The following SNX24 variants were observed in gnomAD, a reference collection of about 807,000 sequenced individuals.
SNX24 encodes the protein sorting nexin 24, also known as sorting nexin-24.
In SNX24, 22 loss-of-function variants were observed where a neutral mutation model predicts 28.7. The observed-to-expected ratio is 0.77, with a 90% CI of 0.55 to 1.10. The LOEUF is 1.10. Among genes scored for constraint, SNX24 ranks in the 50% least tolerant of loss-of-function variants. SNX24 has a pLI of 0.00. For synonymous variants in SNX24, 69 were observed against 71.5 expected (o/e 0.96, Z 0.18); for missense variants, 221 against 201.1 (o/e 1.10, Z -0.60).
At chr5:122,849,752 A>T (rs1410040155) in intron 1 of SNX24, among the ~76,000 whole-genome samples, 1 of 151,936 alleles carries the variant, frequency 6.6e-6, no homozygotes, top group South Asian at 2.1e-4. Context: ...TCTGCTATAA[A>T]CTCCCCAAGT....
intron 3 of SNX24, among the ~76,000 whole-genome samples, chr5:122,987,521 C>T (rs1172458164): frequency 1.3e-5 from 2 of 152,124 alleles, no homozygotes; most frequent in African/African-American, 2.4e-5. Context: ...TGATTTTTCT[C>T]AGTGTTTAGC....
In SNX24 at chr5:122,879,229, A is replaced by G. The variant is rs181533157; in HGVS notation, c.60+33536A>G. On this transcript the variant is annotated intron_variant, in intron 1 of 6. Coordinates refer to ENST00000261369, the MANE Select transcript of SNX24 (RefSeq NM_014035.4). ...TCTCCATTTGGACCAGCCATGTTTCAAATGCTTGACAGCAGCATGTGGCGA... is the reference window on the plus strand; with the variant it reads ...TCTCCATTTGGACCAGCCATGTTTCGAATGCTTGACAGCAGCATGTGGCGA... Among the ~76,000 whole-genome samples the G allele has an allele frequency of 2.4e-3, 367 of 152,340 alleles. 2 individuals are homozygous for G. Among genetic ancestry groups the G allele is most frequent in the African/African-American group, 8.5e-3 (355 of 41,574 alleles).
intron 1 of SNX24, among the ~76,000 whole-genome samples, chr5:122,867,936 C>T (rs1755792782): frequency 6.6e-6 from 1 of 152,204 alleles, no homozygotes; most frequent in South Asian, 2.1e-4. Context: ...CTGGCCATTT[C>T]TCCTTCCAAG....
chr5:122,994,689 C>A (rs1021728357), intron 3 of SNX24, among the ~76,000 whole-genome samples: 1 of 152,118 alleles, frequency 6.6e-6, no homozygotes, highest in African/African-American at 2.4e-5. Context: ...GGTGGTAATG[C>A]TGTTGTTTTT....
intron 3 of SNX24, among the ~76,000 whole-genome samples, chr5:122,969,273 T>G (rs2150145616): frequency 6.6e-6 from 1 of 152,308 alleles, no homozygotes; most frequent in Non-Finnish European, 1.5e-5. Context: ...TGGTGGGTTA[T>G]TTTCAGGCTA....
intron 1 of SNX24, among the ~76,000 whole-genome samples, chr5:122,911,290 T>A (rs1342810337): frequency 6.6e-6 from 1 of 152,246 alleles, no homozygotes; most frequent in Non-Finnish European, 1.5e-5. Context: ...TCTGTTCATA[T>A]CCTTTGCCCA....
At chr5:122,895,887 G>T (rs1185582677) in intron 1 of SNX24, among the ~76,000 whole-genome samples, 1 of 152,010 alleles carries the variant, frequency 6.6e-6, no homozygotes, top group African/African-American at 2.4e-5. Flanking sequence ...AGTGGCTCAT[G>T]CCTGTAATCC....
intron 5 of SNX24, 144 bp from the exon 6 acceptor site, chr5:123,001,796 G>A: frequency 1.4e-6 from 1 of 693,162 alleles, no homozygotes. Context: ...CTCTTACTCT[G>A]CGTGCTATTA....
chr5:122,861,497 G>A (rs985090680), intron 1 of SNX24, among the ~76,000 whole-genome samples: 1 of 152,140 alleles, frequency 6.6e-6, no homozygotes, highest in Admixed American at 6.5e-5. Context: ...TCATGAGTAC[G>A]GGACCATTGC....
intron 1 of SNX24, among the ~76,000 whole-genome samples, chr5:122,884,718 A>G (rs1756633530): frequency 6.6e-6 from 1 of 152,130 alleles, no homozygotes; most frequent in Admixed American, 6.5e-5. Flanking sequence ...CTGACAGACG[A>G]GCAGATGTGT....
chr5:122,957,389 G>A (rs1427560277), intron 3 of SNX24, among the ~76,000 whole-genome samples: 3 of 152,138 alleles, frequency 2.0e-5, no homozygotes, highest in African/African-American at 7.2e-5. Context: ...TCTATCATAT[G>A]CCAGTACCAC....
chr5:122,965,822 T>A (rs1188749423), intron 3 of SNX24, among the ~76,000 whole-genome samples: 1 of 152,234 alleles, frequency 6.6e-6, no homozygotes, highest in African/African-American at 2.4e-5. Context: ...TGCTGTGATG[T>A]TTCCAATTAA....
At chr5:122,943,472 C>G (rs1234953182) in intron 2 of SNX24, among the ~76,000 whole-genome samples, 5 of 152,202 alleles carry the variant, frequency 3.3e-5, no homozygotes, top group Non-Finnish European at 5.9e-5. Context: ...AGCTACTCCC[C>G]CTCTTCCCCC....
At chr5:123,018,772 C>T (rs1010119668) in intron 5 of SNX24, among the ~76,000 whole-genome samples, 4 of 151,782 alleles carry the variant, frequency 2.6e-5, no homozygotes, top group African/African-American at 4.8e-5. Flanking sequence ...CTGCAACCTC[C>T]GCCTCCCGGG....
chr5:122,946,616 CGAT>C (rs1392300970), intron 3 of SNX24, among the ~76,000 whole-genome samples: 1 of 151,964 alleles, frequency 6.6e-6, no homozygotes, highest in Admixed American at 6.6e-5. Context: ...TAAAAATTGC[CGAT>C]GATGAAGTGC....
chr5:122,945,987 A>C, intron 2 of SNX24, 68 bp from the exon 3 acceptor site: 1 of 783,726 alleles, frequency 1.3e-6, no homozygotes, highest in Non-Finnish European at 2.0e-6. Flanking sequence ...TCCCCAAATA[A>C]TATCACTATA....
chr5:123,001,974 A>G lies in SNX24; in HGVS notation c.412A>G (p.Arg138Gly), dbSNP rs1465738822. The change falls in exon 6 of 7, where the codon AGG becomes GGG. Residue 138 changes from arginine (R) to glycine (G), a missense_variant. By Grantham distance (125) the Arg-to-Gly change is moderately radical (BLOSUM62 -2). Transcript: ENST00000261369. ...LSHQPVLLFL[R>G]DPYVLPAASD... ...CCACCAGCCTGTGCTGCTGTTCCTCAGGGATCCATATGTCTTGCCTGCAGC... is the reference window on the plus strand; with the variant it reads ...CCACCAGCCTGTGCTGCTGTTCCTCGGGGATCCATATGTCTTGCCTGCAGC... The G allele has an allele frequency of 1.2e-6, 2 of 1,614,136 alleles. No homozygotes were observed. Among genetic ancestry groups the G allele is most frequent in the Non-Finnish European group, 1.7e-6 (2 of 1,180,008 alleles).
chr5:123,025,814 A>C, intron 5 of SNX24: 7 of 1,613,786 alleles, frequency 4.3e-6, no homozygotes, highest in Non-Finnish European at 5.9e-6. Flanking sequence ...CAAACACCAC[A>C]TGTTTGCCGT....
chr5:122,882,314 A>G (rs1756515883), intron 1 of SNX24, among the ~76,000 whole-genome samples: 1 of 151,796 alleles, frequency 6.6e-6, no homozygotes, highest in Non-Finnish European at 1.5e-5. Context: ...GGATGCCTCT[A>G]CTCCTTCCCA....
Sources: allele counts gnomAD v4.1 joint callset (sites outside exome capture counted in the v4.1 genomes callset), GRCh38; gene constraint gnomAD v4.1.1; transcripts MANE v1.5; gene names NCBI Gene and HGNC (gene_info 2026-07-23, HGNC 2026-07-21).